NFKB1: variants seen among roughly 807,000 people sequenced by gnomAD.
NFKB1 encodes the protein nuclear factor NF-kappa-B p105 subunit.
A neutral mutation model predicts 105.1 loss-of-function variants in NFKB1; 9 were observed. That is an observed-to-expected ratio of 0.09 (90% CI 0.05 to 0.15). The LOEUF (loss-of-function observed/expected upper bound fraction) is 0.15. Ranked by LOEUF, NFKB1 falls within the 10% of genes least tolerant of loss-of-function variation. The pLI, the probability that NFKB1 is intolerant of heterozygous loss-of-function variation, is 1.00. For synonymous variants in NFKB1, 440 were observed against 442.2 expected (o/e 1.00, Z 0.06); for missense variants, 830 against 1,203.7 (o/e 0.69, Z 4.59).
chr4:102,513,215 AAC>A (rs762058743), intron 1 of NFKB1, among the ~76,000 whole-genome samples: 3 of 152,208 alleles, frequency 2.0e-5, no homozygotes, highest in Non-Finnish European at 4.4e-5. Context: ...TCACACCATG[AAC>A]AGAGGTATTG....
At chr4:102,578,786 A>G in intron 7 of NFKB1, 95 bp from the exon 8 acceptor site, 1 of 1,333,134 alleles carries the variant, frequency 7.5e-7, no homozygotes, top group Non-Finnish European at 1.0e-6. Flanking sequence ...ATGGGTTTTT[A>G]TTGTAAGTTT....
intron 1 of NFKB1, among the ~76,000 whole-genome samples, chr4:102,516,519 A>G (rs1470764077): frequency 6.6e-6 from 1 of 151,894 alleles, no homozygotes; most frequent in Non-Finnish European, 1.5e-5. Context: ...TTTCTTCTAT[A>G]ATGTTAAATA....
Position 102,584,758 on chromosome 4 carries a change from G to A in NFKB1, c.1004G>A (p.Arg335Gln), listed in dbSNP as rs143817570. The A allele has an allele frequency of 1.1e-4, 176 of 1,612,620 alleles. No homozygotes were observed. The highest frequency in any genetic ancestry group is 4.0e-5 in the African/African-American group (3 of 74,832). ...CCAGCCTCTGTGTTTGTCCAGCTTCGGAGGAAATCTGACTTGGAAACTAGT... is the reference window on the plus strand; with the variant it reads ...CCAGCCTCTGTGTTTGTCCAGCTTCAGAGGAAATCTGACTTGGAAACTAGT... The part of the protein sequence containing the change: ...TKPASVFVQL[R>Q]RKSDLETSEP... Residue 335 changes from arginine (R) to glutamine (Q), a missense_variant, in exon 11 of 24, where the codon CGG becomes CAG. By Grantham distance (43) the Arg-to-Gln change is conservative. Coordinates refer to ENST00000226574, the MANE Select transcript of NFKB1 (RefSeq NM_003998.4).
chr4:102,562,835 A>G (rs764904490), intron 5 of NFKB1, among the ~76,000 whole-genome samples: 1 of 152,216 alleles, frequency 6.6e-6, no homozygotes, highest in Non-Finnish European at 1.5e-5. Context: ...AAGTCAGGAC[A>G]GATTTCCGTT....
chr4:102,607,012 C>T (rs1727813576), intron 17 of NFKB1, 138 bp from the exon 18 acceptor site: 3 of 897,400 alleles, frequency 3.3e-6, no homozygotes, highest in Non-Finnish European at 5.5e-6. Context: ...TGTGGGTCTT[C>T]AAAGCAGAAC....
intron 1 of NFKB1, among the ~76,000 whole-genome samples, chr4:102,524,389 T>A (rs774534330): frequency 6.6e-6 from 1 of 152,086 alleles, no homozygotes; most frequent in Non-Finnish European, 1.5e-5. Flanking sequence ...ATTGCACTTT[T>A]AATATTACAG....
rs376107312 is a variant in NFKB1 at position 102,605,427 on chromosome 4, T to C, written c.1753-1069T>C. On this transcript the variant is annotated intron_variant, in intron 16 of 23. Transcript: ENST00000226574. Reference sequence around the variant, plus strand: ...GTGGCTCACCTGCTGCTGTAGCCAGTAACTGCTCAATGAAAAGGGAATTTT... The same window carrying C: ...GTGGCTCACCTGCTGCTGTAGCCAGCAACTGCTCAATGAAAAGGGAATTTT... Among the ~76,000 whole-genome samples, 4 of 152,218 alleles carry C rather than the reference T, an allele frequency of 2.6e-5. 1 individual carries two copies. In the East Asian group the frequency reaches 5.8e-4, roughly 22 times the overall value.
At chr4:102,609,971 TTTG>T (rs1728243568) in intron 19 of NFKB1, among the ~76,000 whole-genome samples, 1 of 151,182 alleles carries the variant, frequency 6.6e-6, no homozygotes, top group Non-Finnish European at 1.5e-5. Flanking sequence ...TGTTTATTTG[TTTG>T]TTGTTTTTGT....
At chr4:102,590,429 G>C (rs1726074456) in intron 11 of NFKB1, among the ~76,000 whole-genome samples, 2 of 152,110 alleles carry the variant, frequency 1.3e-5, no homozygotes, top group Non-Finnish European at 2.9e-5. Context: ...TTGAAGGTTT[G>C]TGGCAATAGT....
intron 1 of NFKB1, among the ~76,000 whole-genome samples, chr4:102,509,482 G>A (rs1739639035): frequency 6.6e-6 from 1 of 152,180 alleles, no homozygotes; most frequent in Non-Finnish European, 1.5e-5. Flanking sequence ...TGGAGTAATT[G>A]TGCTATATTT....
intron 3 of NFKB1, among the ~76,000 whole-genome samples, chr4:102,532,889 T>C (rs1184659701): frequency 6.6e-6 from 1 of 152,150 alleles, no homozygotes; most frequent in Non-Finnish European, 1.5e-5. Flanking sequence ...ATTGTACTAT[T>C]GACATAAAAA....
At chr4:102,579,667 A>G (rs558113894) in intron 8 of NFKB1, among the ~76,000 whole-genome samples, 8 of 147,414 alleles carry the variant, frequency 5.4e-5, no homozygotes, top group African/African-American at 2.0e-4. Flanking sequence ...ATATATATGT[A>G]TATATATATT....
chr4:102,506,030 T>C (rs946564373), intron 1 of NFKB1, among the ~76,000 whole-genome samples: 11 of 152,274 alleles, frequency 7.2e-5, no homozygotes, highest in Admixed American at 5.9e-4. Flanking sequence ...CTAGAACAAA[T>C]AATTTATTAA....
At chr4:102,583,608 A>G (rs1725481572) in intron 10 of NFKB1, among the ~76,000 whole-genome samples, 1 of 152,130 alleles carries the variant, frequency 6.6e-6, no homozygotes, top group Non-Finnish European at 1.5e-5. Flanking sequence ...TTATGATAAC[A>G]CCTTAAAAGG....
intron 5 of NFKB1, among the ~76,000 whole-genome samples, chr4:102,560,677 A>G (rs1248820573): frequency 4.6e-5 from 7 of 152,176 alleles, no homozygotes; most frequent in African/African-American, 1.7e-4. Flanking sequence ...ACTCATAATG[A>G]ATTCCAGAGT....
At chr4:102,515,107 A>ATTAT (rs771359850) in intron 1 of NFKB1, among the ~76,000 whole-genome samples, 123 of 95,656 alleles carry the variant, frequency 1.3e-3, no homozygotes, top group African/African-American at 4.7e-3. Flanking sequence ...TATTATTATT[A>ATTAT]TTTTTTTTTT....
At chr4:102,600,835 G>T (rs779937866) in intron 15 of NFKB1, 60 bp from the exon 16 acceptor site, 9 of 991,666 alleles carry the variant, frequency 9.1e-6, no homozygotes, top group Non-Finnish European at 1.5e-5. Flanking sequence ...TCACATCTTG[G>T]GAATCTTTTC....
rs55823332 is a variant in NFKB1, at chr4:102,580,717, C to A, written c.835+78C>A. The A allele has an allele frequency of 4.0e-5, 47 of 1,183,546 alleles. No homozygotes were observed. The East Asian group carries it at 1.1e-3, about 28-fold the overall frequency. 73.3% of individuals were successfully genotyped at this position (1,183,546 alleles called of 1,614,324 possible). On this transcript the variant is annotated intron_variant, in intron 9 of 23. Coordinates refer to ENST00000226574, the MANE Select transcript of NFKB1 (RefSeq NM_003998.4). ...CAGTTCTGAGTGTGTCTGTGAGTCA[C>A]ATTTCAGCAGTGGACAAGAAACATC... is the stretch of plus-strand genomic sequence containing the variant.
chr4:102,521,671 C>G (rs995238822), intron 1 of NFKB1, among the ~76,000 whole-genome samples: 4 of 152,112 alleles, frequency 2.6e-5, no homozygotes, highest in African/African-American at 9.7e-5. Context: ...AGGCGTGCCC[C>G]CAACTCCATC....
Sources: allele counts gnomAD v4.1 joint callset (sites outside exome capture counted in the v4.1 genomes callset), GRCh38; gene constraint gnomAD v4.1.1; transcripts MANE v1.5; gene names NCBI Gene and HGNC (gene_info 2026-07-23, HGNC 2026-07-21).